DSCAM: variants seen among roughly 807,000 people sequenced by gnomAD.
DSCAM encodes the protein cell adhesion molecule DSCAM.
DSCAM carries 47 observed loss-of-function variants against 217.7 expected under a neutral mutation model. The ratio of observed to expected loss-of-function variants is 0.22; its 90% CI spans 0.17 to 0.28. The LOEUF is 0.28. DSCAM is among the 10% of genes least tolerant of loss of function. The pLI is 1.00. For synonymous variants in DSCAM, 1,056 were observed against 1,015.3 expected (o/e 1.04, Z -0.76); for missense variants, 2,080 against 2,618.3 (o/e 0.79, Z 4.49).
intron 1 of DSCAM, among the ~76,000 whole-genome samples, chr21:40,727,951 T>C (rs2090974243): frequency 6.6e-6 from 1 of 152,162 alleles, no homozygotes; most frequent in Non-Finnish European, 1.5e-5. Context: ...TGGGTCTCTG[T>C]ACCTGCTCTC....
Position 40,353,601 on chromosome 21 carries a change from T to C in DSCAM, c.798A>G (p.Glu266=). The C allele has an allele frequency of 6.2e-7, 1 of 1,610,880 alleles. No individual in the cohort carries two copies. Among genetic ancestry groups the C allele is most frequent in the Non-Finnish European group, 8.5e-7 (1 of 1,179,264 alleles). ...YRWLKDNMPL[E]LSGRFQKTVT... is the part of the protein sequence containing the mutation. ...CGGTCTTCTGGAACCTCCCTGAAAGTTCCAGGGGCATGTTGTCCTTCAGCC... is the reference window on the plus strand; with the variant it reads ...CGGTCTTCTGGAACCTCCCTGAAAGCTCCAGGGGCATGTTGTCCTTCAGCC... The change falls in exon 5 of 33, where the codon GAA becomes GAG. Residue 266 remains glutamate (E), a synonymous_variant. Transcript: ENST00000400454.
rs140334113 is a variant in DSCAM at position 40,129,475 on chromosome 21, G to A, written c.3562+4379C>T. Among the ~76,000 whole-genome samples the A allele has an allele frequency of 1.6e-3, 240 of 152,318 alleles. 1 individual carries two copies. Among genetic ancestry groups the A allele is most frequent in the African/African-American group, 5.2e-3 (215 of 41,568 alleles). On this transcript the variant is annotated intron_variant, in intron 19 of 32. Coordinates refer to ENST00000400454, the MANE Select transcript of DSCAM (RefSeq NM_001389.5). Reference sequence around the variant, plus strand: ...GGGGTGGCTCTTGAAGCTGGGGTCAGGGAGAGAATGGAGTCTCCCACTGGG... The same window carrying A: ...GGGGTGGCTCTTGAAGCTGGGGTCAAGGAGAGAATGGAGTCTCCCACTGGG...
intron 3 of DSCAM, among the ~76,000 whole-genome samples, chr21:40,451,661 A>G (rs2075720844): frequency 6.6e-6 from 1 of 152,222 alleles, no homozygotes; most frequent in Non-Finnish European, 1.5e-5. Flanking sequence ...AACTGTTTCC[A>G]GAACACATGG....
At chr21:40,417,982 G>C (rs1208472673) in intron 3 of DSCAM, among the ~76,000 whole-genome samples, 2 of 152,172 alleles carry the variant, frequency 1.3e-5, no homozygotes, top group Non-Finnish European at 2.9e-5. Flanking sequence ...CTCAAACCTA[G>C]ACCTAGTGCG....
intron 1 of DSCAM, among the ~76,000 whole-genome samples, chr21:40,786,738 G>T (rs56106057): frequency 0.22 from 34,163 of 152,022 alleles, 4,183 homozygotes; most frequent in African/African-American, 0.31. Flanking sequence ...ATACCCAAGA[G>T]AAAGAAACCA....
chr21:40,700,315 T>C lies in DSCAM; in HGVS notation c.362-7359A>G, dbSNP rs565569273. Among the ~76,000 whole-genome samples, 3 of 152,342 alleles carry C rather than the reference T, an allele frequency of 2.0e-5. No individual in the cohort carries two copies. The South Asian group carries it at 6.2e-4, about 32-fold the overall frequency. On this transcript the variant is annotated intron_variant, in intron 2 of 32. Coordinates refer to ENST00000400454, the MANE Select transcript of DSCAM (RefSeq NM_001389.5). ...CATTTCATCTTTGACAAGTATGATG[T>C]TCGCTATAGCAGGATTTTCGTAGTT...
At chr21:40,523,827 C>T (rs1344689596) in intron 3 of DSCAM, among the ~76,000 whole-genome samples, 1 of 152,052 alleles carries the variant, frequency 6.6e-6, no homozygotes, top group African/African-American at 2.4e-5. Context: ...ACACTGGGGC[C>T]TCAGGAGCTG....
chr21:40,748,488 T>TA (rs771126642), intron 1 of DSCAM, among the ~76,000 whole-genome samples: 75 of 151,942 alleles, frequency 4.9e-4, no homozygotes, highest in Non-Finnish European at 9.4e-4. Context: ...GTACAATAGT[T>TA]ACAAGGTATA....
At chr21:40,780,423 G>GTATATATA (rs71186965) in intron 1 of DSCAM, among the ~76,000 whole-genome samples, 8 of 56,414 alleles carry the variant, frequency 1.4e-4, no homozygotes, top group African/African-American at 5.4e-4. Context: ...GTGTGTGTGT[G>GTATATATA]TATATATATA....
chr21:40,802,265 T>G (rs2091748393), intron 1 of DSCAM, among the ~76,000 whole-genome samples: 1 of 152,228 alleles, frequency 6.6e-6, no homozygotes, highest in Non-Finnish European at 1.5e-5. Context: ...TGGGACTAGT[T>G]AAGCCTTTCT....
At chr21:40,457,615 A>G (rs1335920822) in intron 3 of DSCAM, among the ~76,000 whole-genome samples, 1 of 151,984 alleles carries the variant, frequency 6.6e-6, no homozygotes, top group Non-Finnish European at 1.5e-5. Flanking sequence ...AACTAAAAAC[A>G]TCCCACATTT....
chr21:40,393,603 A>G (rs1243198411), intron 3 of DSCAM, among the ~76,000 whole-genome samples: 2 of 152,330 alleles, frequency 1.3e-5, no homozygotes, highest in South Asian at 2.1e-4. Context: ...AGAATAAAAT[A>G]TAAATCCCAC....
intron 3 of DSCAM, among the ~76,000 whole-genome samples, chr21:40,587,596 C>G (rs757809542): frequency 4.8e-4 from 73 of 152,178 alleles, no homozygotes; most frequent in Non-Finnish European, 5.3e-4. Context: ...TACTTAGCAT[C>G]TCTGTCATTG....
At chr21:40,062,628 G>T (rs1159600745) in intron 28 of DSCAM, among the ~76,000 whole-genome samples, 1 of 152,126 alleles carries the variant, frequency 6.6e-6, no homozygotes, top group East Asian at 1.9e-4. Context: ...GCCTTCTATT[G>T]GTTGTGTCCA....
intron 20 of DSCAM, among the ~76,000 whole-genome samples, chr21:40,123,196 T>C (rs1172457362): frequency 6.6e-6 from 1 of 151,988 alleles, no homozygotes; most frequent in Non-Finnish European, 1.5e-5. Flanking sequence ...TTTTGTAGAG[T>C]TCTGGAGATG....
chr21:40,075,577 T>G (rs1414391861), intron 26 of DSCAM, among the ~76,000 whole-genome samples: 1 of 152,100 alleles, frequency 6.6e-6, no homozygotes, highest in Non-Finnish European at 1.5e-5. Context: ...TAGAGACTAT[T>G]CGAAAAAATT....
chr21:40,543,581 G>C (rs565322346), intron 3 of DSCAM, among the ~76,000 whole-genome samples: 8 of 152,152 alleles, frequency 5.3e-5, no homozygotes, highest in African/African-American at 1.9e-4. Flanking sequence ...GCCACAGTGA[G>C]TCTGTGGAGG....
chr21:40,463,546 T>A lies in DSCAM; in HGVS notation c.509-94301A>T, dbSNP rs1018739747. Among the ~76,000 whole-genome samples, 11 of 152,186 alleles carry A rather than the reference T, an allele frequency of 7.2e-5. No individual in the cohort carries two copies. In the East Asian group the frequency reaches 2.1e-3, roughly 29 times the overall value. On this transcript the variant is annotated intron_variant, in intron 3 of 32. Transcript: ENST00000400454. ...ATCCCCACTTTCCCCAGGTCTTAAC[T>A]GAAACTTGGGCATCCTCTGTAGACC... is the stretch of plus-strand genomic sequence containing the variant.
chr21:40,692,582 G>A (rs915756367), intron 3 of DSCAM, among the ~76,000 whole-genome samples: 4 of 152,112 alleles, frequency 2.6e-5, no homozygotes, highest in Admixed American at 6.6e-5. Flanking sequence ...TTACAGTGCC[G>A]GTAACTAATC....
Sources: gnomAD v4.1 joint callset for allele counts (sites outside exome capture counted in the v4.1 genomes callset) on GRCh38, gnomAD v4.1.1 for gene constraint, MANE v1.5 for transcripts, NCBI Gene and HGNC (gene_info 2026-07-23, HGNC 2026-07-21) for gene names.